The following SSH2 variants were observed in gnomAD, a reference collection of about 807,000 sequenced individuals.
The protein encoded by SSH2 is slingshot protein phosphatase 2.
SSH2 carries 37 observed loss-of-function variants against 135.2 expected under a neutral mutation model. The observed-to-expected ratio is 0.27, with a 90% confidence interval of 0.21 to 0.36. The LOEUF (loss-of-function observed/expected upper bound fraction) is 0.36, where lower values mean the gene tolerates loss of function less well. SSH2 is among the 10% of genes least tolerant of loss of function. The pLI is 1.00. For missense variants in SSH2, 1,408 were observed against 1,765.3 expected (o/e 0.80, Z 3.63); for synonymous variants, 628 against 646.2 (o/e 0.97, Z 0.43).
At chr17:29,757,441 T>C (rs1350008456) in intron 3 of SSH2, among the ~76,000 whole-genome samples, 1 of 152,140 alleles carries the variant, frequency 6.6e-6, no homozygotes, top group Non-Finnish European at 1.5e-5. Flanking sequence ...ATATTTAAGT[T>C]CATAAAGTTT....
chr17:29,901,320 T>C (rs1181998582), intron 1 of SSH2, among the ~76,000 whole-genome samples: 4 of 152,100 alleles, frequency 2.6e-5, no homozygotes, highest in Non-Finnish European at 5.9e-5. Flanking sequence ...TAAGATGAAA[T>C]TTTTTACTTA....
At chr17:29,793,639 T>G in intron 3 of SSH2, 1 of 318,758 alleles carries the variant, frequency 3.1e-6, no homozygotes, top group Non-Finnish European at 5.8e-6. Flanking sequence ...TTACTCTTTT[T>G]TTTTTTAAAA....
In SSH2 at chr17:29,636,354, T is replaced by C. The variant is rs201674212; in HGVS notation, c.1876A>G (p.Thr626Ala). Residue 626 changes from threonine to alanine, a missense_variant, in exon 15 of 16, where the codon ACA becomes GCA. Transcript: ENST00000540801. ...FPDLTVEDLE[T>A]DALKADMNVH... ...TTCATGTCTGCTTTCAGTGCATCTG[T>C]CTCCAAATCTTCCACTGTTAAGTCT... 1 of 1,614,182 alleles carries C rather than the reference T, an allele frequency of 6.2e-7. No individual in the cohort carries two copies. Among genetic ancestry groups the C allele is most frequent in the Non-Finnish European group, 8.5e-7 (1 of 1,180,048 alleles).
Position 29,913,356 on chromosome 17 carries a change from A to AAAAAAAAT in SSH2, c.63+16581_63+16582insATTTTTTT, listed in dbSNP as rs1567650094. ...AAAAAAAAAAAAAAAAAATATATAT[A>AAAAAAAAT]TATATATATATATATATATATATAT... On this transcript the variant is annotated intron_variant, in intron 1 of 15. Coordinates refer to ENST00000540801, the MANE Select transcript of SSH2 (RefSeq NM_001282129.2). Among the ~76,000 whole-genome samples, 6 of 71,020 alleles carry AAAAAAAAT rather than the reference A, an allele frequency of 8.4e-5. 2 individuals are homozygous for AAAAAAAAT. The highest frequency in any genetic ancestry group is 1.6e-4 in the Non-Finnish European group (6 of 37,208). The allele number at this position is 71,020 out of a possible 152,430, so 46.6% of individuals were successfully genotyped here.
chr17:29,901,589 T>C (rs1441578633), intron 1 of SSH2, among the ~76,000 whole-genome samples: 2 of 152,208 alleles, frequency 1.3e-5, no homozygotes, highest in Non-Finnish European at 2.9e-5. Flanking sequence ...CTTTGACCTC[T>C]GATTAACAAG....
chr17:29,649,671 CTTATT>C (rs1318326454), intron 13 of SSH2, among the ~76,000 whole-genome samples: 2 of 152,168 alleles, frequency 1.3e-5, no homozygotes, highest in African/African-American at 4.8e-5. Flanking sequence ...ATCTTCACCA[CTTATT>C]TGACCTCTCT....
chr17:29,773,065 C>T (rs1456085526), intron 3 of SSH2, among the ~76,000 whole-genome samples: 2 of 149,568 alleles, frequency 1.3e-5, no homozygotes, highest in Non-Finnish European at 3.0e-5. Flanking sequence ...ATCCATCATC[C>T]ACCCATCCAT....
chr17:29,676,730 T>C lies in SSH2; in HGVS notation c.614+90A>G, dbSNP rs558880001. 33 of 1,064,792 alleles carry C rather than the reference T, an allele frequency of 3.1e-5. No individual in the cohort carries two copies. The African/African-American group carries it at 4.2e-4, about 14-fold the overall frequency. The allele number at this position is 1,064,792 out of a possible 1,614,324, so 66.0% of individuals were successfully genotyped here. The stretch of plus-strand genomic sequence containing the variant: ...ACAAACAGATCATTTAGCATTTTCA[T>C]AGCAAACTGTACCATTTCAAACATT... On this transcript the variant is annotated intron_variant, in intron 8 of 15. Coordinates refer to ENST00000540801, the MANE Select transcript of SSH2 (RefSeq NM_001282129.2).
chr17:29,694,542 G>A (rs1380048455), intron 5 of SSH2, among the ~76,000 whole-genome samples: 3 of 152,144 alleles, frequency 2.0e-5, no homozygotes, highest in Non-Finnish European at 2.9e-5. Flanking sequence ...GGTAGTGTGC[G>A]CCTGTAGTCC....
intron 1 of SSH2, among the ~76,000 whole-genome samples, chr17:29,893,449 T>G (rs1208986485): frequency 6.6e-6 from 1 of 152,110 alleles, no homozygotes; most frequent in East Asian, 1.9e-4. Context: ...AATGACCTTA[T>G]ACAAGAAGTG....
intron 11 of SSH2, among the ~76,000 whole-genome samples, chr17:29,660,269 C>CA (rs977511147): frequency 3.6e-5 from 5 of 140,394 alleles, no homozygotes; most frequent in Admixed American, 1.4e-4. Context: ...CTAACCTCTC[C>CA]TTTTTTTTTT....
intron 2 of SSH2, among the ~76,000 whole-genome samples, chr17:29,813,039 T>G (rs1338036160): frequency 6.6e-6 from 1 of 151,946 alleles, no homozygotes; most frequent in African/African-American, 2.4e-5. Context: ...AAGAATGAAT[T>G]AATAGTCTCA....
intron 3 of SSH2, among the ~76,000 whole-genome samples, chr17:29,751,278 G>T (rs1034727453): frequency 6.6e-6 from 1 of 152,102 alleles, no homozygotes; most frequent in Non-Finnish European, 1.5e-5. Context: ...AGCCAGGTGT[G>T]GTGGTGCATG....
chr17:29,809,951 A>G (rs1289703778), intron 2 of SSH2, among the ~76,000 whole-genome samples: 1 of 151,908 alleles, frequency 6.6e-6, no homozygotes, highest in Non-Finnish European at 1.5e-5. Flanking sequence ...TCCAAATACA[A>G]CCATACTCCC....
At chr17:29,718,022 T>C (rs1270211404) in intron 3 of SSH2, among the ~76,000 whole-genome samples, 2 of 152,232 alleles carry the variant, frequency 1.3e-5, no homozygotes, top group African/African-American at 4.8e-5. Flanking sequence ...GAAGGGCAAG[T>C]GGTGTAGGGT....
At chr17:29,854,299 A>G (rs2065622229) in intron 1 of SSH2, among the ~76,000 whole-genome samples, 1 of 151,898 alleles carries the variant, frequency 6.6e-6, no homozygotes, top group Admixed American at 6.6e-5. Flanking sequence ...GCTAAGGTAA[A>G]ACACCAAACA....
rs577100839 is a variant in SSH2, at chr17:29,630,748, T to A, written c.*93A>T. 15 of 1,369,496 alleles carry A rather than the reference T, an allele frequency of 1.1e-5. No individual in the cohort carries two copies. The highest frequency in any genetic ancestry group is 2.9e-5 in the African/African-American group (2 of 68,666). The allele number at this position is 1,369,496 out of a possible 1,614,324, so 84.8% of individuals were successfully genotyped here. On this transcript the variant is annotated 3_prime_UTR_variant, in exon 16 of 16. Coordinates refer to ENST00000540801, the MANE Select transcript of SSH2 (RefSeq NM_001282129.2). ...AAACAGTAAAATGACCAAAATATTATAAAATTAACCAATAAAGTGCATGTT... is the reference window on the plus strand; with the variant it reads ...AAACAGTAAAATGACCAAAATATTAAAAAATTAACCAATAAAGTGCATGTT...
intron 2 of SSH2, among the ~76,000 whole-genome samples, chr17:29,837,714 G>A (rs779068521): frequency 6.6e-6 from 1 of 152,262 alleles, no homozygotes; most frequent in Non-Finnish European, 1.5e-5. Context: ...AGACTTGCAG[G>A]GCTGGTCCCA....
At chr17:29,761,301 T>C (rs2041291570) in intron 3 of SSH2, 1 of 1,272,986 alleles carries the variant, frequency 7.9e-7, no homozygotes, top group African/African-American at 1.5e-5. Flanking sequence ...AGTGCACAAC[T>C]CCGCATCCTG....
Sources: allele counts gnomAD v4.1 joint callset (sites outside exome capture counted in the v4.1 genomes callset), GRCh38; gene constraint gnomAD v4.1.1; transcripts MANE v1.5; gene names NCBI Gene and HGNC (gene_info 2026-07-23, HGNC 2026-07-21).